RBMS1: variants seen among roughly 807,000 people sequenced by gnomAD.
RBMS1 encodes the protein RNA binding motif single stranded interacting protein 1, also known as RNA-binding motif, single-stranded-interacting protein 1.
Under a neutral mutation model 62.3 loss-of-function variants are expected in RBMS1, and 17 were observed. The observed-to-expected ratio is 0.27, with a 90% CI of 0.19 to 0.41. The LOEUF is 0.41. RBMS1 is among the 10% of genes least tolerant of loss of function. The pLI is 1.00. For missense variants in RBMS1, 334 were observed against 504.5 expected (o/e 0.66, Z 3.24); for synonymous variants, 172 against 170.0 (o/e 1.01, Z -0.09).
chr2:160,374,109 C>T (rs1312683563), intron 1 of RBMS1, among the ~76,000 whole-genome samples: 1 of 151,608 alleles, frequency 6.6e-6, no homozygotes, highest in Non-Finnish European at 1.5e-5. Flanking sequence ...CCTGACTCTA[C>T]AAAAAAAATT....
chr2:160,476,812 C>G (rs1200121465), intron 1 of RBMS1, among the ~76,000 whole-genome samples: 1 of 152,058 alleles, frequency 6.6e-6, no homozygotes, highest in African/African-American at 2.4e-5. Flanking sequence ...CCTCGGCCTC[C>G]CAAAGTGCTG....
At chr2:160,413,886 G>A (rs1180792030) in intron 1 of RBMS1, among the ~76,000 whole-genome samples, 3 of 152,070 alleles carry the variant, frequency 2.0e-5, no homozygotes, top group Non-Finnish European at 2.9e-5. Context: ...GTAGAGTTGG[G>A]GTTTGATCTT....
intron 1 of RBMS1, among the ~76,000 whole-genome samples, chr2:160,423,168 C>A (rs2105272561): frequency 6.6e-6 from 1 of 152,286 alleles, no homozygotes; most frequent in South Asian, 2.1e-4. Context: ...TTCCCCAGCC[C>A]AACTTCTATA....
At chr2:160,364,337 C>T (rs993690288) in intron 2 of RBMS1, among the ~76,000 whole-genome samples, 8 of 152,204 alleles carry the variant, frequency 5.3e-5, no homozygotes, top group South Asian at 2.1e-4. Context: ...ATTCCTCGTA[C>T]GTGTTTCACA....
intron 1 of RBMS1, among the ~76,000 whole-genome samples, chr2:160,485,330 T>C (rs978122124): frequency 9.9e-5 from 15 of 152,104 alleles, no homozygotes; most frequent in African/African-American, 3.6e-4. Context: ...TGAAAGATTG[T>C]AGAAGAACCC....
intron 2 of RBMS1, among the ~76,000 whole-genome samples, chr2:160,362,670 A>T (rs4277476): frequency 0.72 from 109,733 of 152,110 alleles, 40,934 homozygotes; most frequent in East Asian, 0.84. Context: ...TCTGAAATAT[A>T]GTGAAAATTA....
At chr2:160,373,264 T>C (rs1337526324) in intron 1 of RBMS1, among the ~76,000 whole-genome samples, 1 of 152,244 alleles carries the variant, frequency 6.6e-6, no homozygotes, top group African/African-American at 2.4e-5. Flanking sequence ...AGTTGATCCT[T>C]GCATGTAAAA....
At chr2:160,363,017 CA>C (rs1192209404) in intron 2 of RBMS1, among the ~76,000 whole-genome samples, 3 of 152,140 alleles carry the variant, frequency 2.0e-5, no homozygotes, top group African/African-American at 7.2e-5. Context: ...ATGGAAGAAA[CA>C]AGAGATACTA....
chr2:160,412,602 G>A (rs1200151376), intron 1 of RBMS1, among the ~76,000 whole-genome samples: 1 of 152,206 alleles, frequency 6.6e-6, no homozygotes, highest in Non-Finnish European at 1.5e-5. Flanking sequence ...CGCCCAAATT[G>A]CTTGCTGTAC....
intron 1 of RBMS1, among the ~76,000 whole-genome samples, chr2:160,424,365 T>C (rs1015288590): frequency 7.1e-6 from 1 of 140,820 alleles, no homozygotes; most frequent in African/African-American, 2.8e-5. Context: ...GGTGAGAGAT[T>C]GGGGGGGGGG....
At chr2:160,362,001 C>A (rs1693157481) in intron 2 of RBMS1, among the ~76,000 whole-genome samples, 1 of 152,190 alleles carries the variant, frequency 6.6e-6, no homozygotes, top group African/African-American at 2.4e-5. Flanking sequence ...AATAAGACAA[C>A]AATGAAGATT....
intron 1 of RBMS1, among the ~76,000 whole-genome samples, chr2:160,372,554 C>T (rs1693782170): frequency 6.6e-6 from 1 of 152,196 alleles, no homozygotes; most frequent in South Asian, 2.1e-4. Flanking sequence ...ATGTCTGCTA[C>T]ACTTATTTCC....
intron 2 of RBMS1, among the ~76,000 whole-genome samples, chr2:160,330,597 G>A (rs115462507): frequency 1.3e-3 from 195 of 151,368 alleles, no homozygotes; most frequent in African/African-American, 4.5e-3. Flanking sequence ...AAAAAGCCTT[G>A]GCTTGTTCAC....
At position 160,298,738 on chromosome 2, in the gene RBMS1, C is replaced by T. The variant is rs142750283; in HGVS notation, c.640+1913G>A. 8.9e-4 allele frequency among the ~76,000 whole-genome samples: 136 copies of T among 152,248 alleles called. 4 individuals carry two copies. The East Asian group carries it at 0.026, about 29-fold the overall frequency. ...GTTACAGGTTGAACTGTGTGGGGTCCTAACACCCAGCCCTCAGAATGTGAT... is the reference window on the plus strand; with the variant it reads ...GTTACAGGTTGAACTGTGTGGGGTCTTAACACCCAGCCCTCAGAATGTGAT... On this transcript the variant is annotated intron_variant, in intron 6 of 13. Coordinates refer to ENST00000348849, the MANE Select transcript of RBMS1 (RefSeq NM_016836.4).
chr2:160,350,161 G>C (rs1692418418), intron 2 of RBMS1, among the ~76,000 whole-genome samples: 2 of 151,950 alleles, frequency 1.3e-5, no homozygotes, highest in Admixed American at 6.5e-5. Flanking sequence ...TGTAGCCATC[G>C]TAAGACAGCC....
chr2:160,352,242 A>G (rs1002150738), intron 2 of RBMS1, among the ~76,000 whole-genome samples: 3 of 152,090 alleles, frequency 2.0e-5, no homozygotes, highest in Non-Finnish European at 2.9e-5. Flanking sequence ...GCCATACTCT[A>G]TGTGCAATGC....
intron 4 of RBMS1, among the ~76,000 whole-genome samples, chr2:160,311,551 T>C (rs1376325944): frequency 6.6e-6 from 1 of 152,060 alleles, no homozygotes; most frequent in Non-Finnish European, 1.5e-5. Flanking sequence ...CAGGGAACAA[T>C]TACGTGCTAC....
At chr2:160,484,592 C>A (rs903625282) in intron 1 of RBMS1, among the ~76,000 whole-genome samples, 5 of 151,670 alleles carry the variant, frequency 3.3e-5, no homozygotes, top group Non-Finnish European at 7.4e-5. Flanking sequence ...AAGCATTGGC[C>A]GGGCGCGGTG....
intron 1 of RBMS1, among the ~76,000 whole-genome samples, chr2:160,487,167 G>T (rs532248319): frequency 2.6e-5 from 4 of 152,256 alleles, no homozygotes; most frequent in African/African-American, 7.2e-5. Context: ...AACAATGCTG[G>T]TAAGTAAAAA....
Sources: allele counts gnomAD v4.1 joint callset (sites outside exome capture counted in the v4.1 genomes callset), GRCh38; gene constraint gnomAD v4.1.1; transcripts MANE v1.5; gene names NCBI Gene and HGNC (gene_info 2026-07-23, HGNC 2026-07-21).